The following GSG1L variants were observed in gnomAD, a reference collection of about 807,000 sequenced individuals.
GSG1L encodes germ cell-specific gene 1-like protein.
In GSG1L, 24 loss-of-function variants were observed where a neutral mutation model predicts 42.1. The observed-to-expected ratio is 0.57, with a 90% CI of 0.41 to 0.80. The LOEUF (loss-of-function observed/expected upper bound fraction) is 0.80. Ranked by LOEUF, GSG1L falls within the 30% of genes least tolerant of loss-of-function variation. The pLI is 0.00. For missense variants in GSG1L, 445 were observed against 472.2 expected (o/e 0.94, Z 0.53); for synonymous variants, 215 against 203.5 (o/e 1.06, Z -0.48).
chr16:27,934,733 G>A (rs912998364), intron 2 of GSG1L, among the ~76,000 whole-genome samples: 1 of 152,138 alleles, frequency 6.6e-6, no homozygotes, highest in Non-Finnish European at 1.5e-5. Context: ...GTGCGAGGGT[G>A]TCACATGCTT....
At chr16:27,819,266 A>G (rs562363670) in intron 5 of GSG1L, among the ~76,000 whole-genome samples, 178 of 150,444 alleles carry the variant, frequency 1.2e-3, no homozygotes, top group African/African-American at 4.1e-3. Flanking sequence ...AAAAAAACAG[A>G]CCTCTAGATA....
intron 6 of GSG1L, among the ~76,000 whole-genome samples, chr16:27,807,138 C>T (rs768170601): frequency 5.9e-5 from 9 of 152,238 alleles, no homozygotes; most frequent in Admixed American, 4.6e-4. Flanking sequence ...CTCCTGTCCA[C>T]GGTCACCTCC....
chr16:27,995,261 C>T (rs1161875750), intron 1 of GSG1L, among the ~76,000 whole-genome samples: 1 of 152,170 alleles, frequency 6.6e-6, no homozygotes, highest in Non-Finnish European at 1.5e-5. Flanking sequence ...CACGAACGCC[C>T]TTGGAGAATA....
At chr16:27,937,074 C>T in intron 2 of GSG1L, among the ~76,000 whole-genome samples, 1 of 152,210 alleles carries the variant, frequency 6.6e-6, no homozygotes, top group East Asian at 1.9e-4. Flanking sequence ...TTCACTCTGA[C>T]CTGCTGCCTG....
intron 4 of GSG1L, among the ~76,000 whole-genome samples, chr16:27,834,747 C>T (rs1423516740): frequency 1.3e-5 from 2 of 152,036 alleles, no homozygotes; most frequent in African/African-American, 4.8e-5. Flanking sequence ...TTTTGATGTC[C>T]TCAAAGTCTG....
At chr16:28,053,040 G>T (rs991253802) in intron 1 of GSG1L, among the ~76,000 whole-genome samples, 4 of 152,226 alleles carry the variant, frequency 2.6e-5, no homozygotes, top group African/African-American at 9.6e-5. Flanking sequence ...TGTGGCCAGT[G>T]GTGTCCAAGG....
intron 3 of GSG1L, among the ~76,000 whole-genome samples, chr16:27,874,334 A>T (rs2083858630): frequency 6.7e-6 from 1 of 149,502 alleles, no homozygotes; most frequent in Admixed American, 6.7e-5. Context: ...AGGAGAGGGG[A>T]CTGGAGATTG....
chr16:27,883,713 G>C (rs2083991104), intron 3 of GSG1L, among the ~76,000 whole-genome samples: 1 of 152,190 alleles, frequency 6.6e-6, no homozygotes, highest in Non-Finnish European at 1.5e-5. Flanking sequence ...CTGTCTGCCA[G>C]GCCTCCTGAT....
At chr16:27,809,082 T>C (rs1050002558) in intron 5 of GSG1L, among the ~76,000 whole-genome samples, 1 of 152,100 alleles carries the variant, frequency 6.6e-6, no homozygotes, top group African/African-American at 2.4e-5. Flanking sequence ...AGAAACACAA[T>C]CTAGTCCTCT....
rs376201128 is a variant in GSG1L at position 27,888,462 on chromosome 16, TTCTCTCTCTCTCTC to T, written c.398-3838_398-3825del. Among the ~76,000 whole-genome samples, 35 of 37,914 alleles carry T rather than the reference TTCTCTCTCTCTCTC, an allele frequency of 9.2e-4. 2 individuals are homozygous for T. The highest frequency in any genetic ancestry group is 2.0e-3 in the Admixed American group (7 of 3,486). 24.9% of individuals were successfully genotyped at this position (37,914 alleles called of 152,430 possible). ...TTTCTTTCTTTCTTTCTTTCTTTCT[TTCTCTCTCTCTCTC>T]TCTTTCCTTTCTTTCTTTCTTTCTT... On this transcript the variant is annotated intron_variant, in intron 2 of 6. Coordinates refer to ENST00000447459, the MANE Select transcript of GSG1L (RefSeq NM_001109763.2).
Position 27,789,612 on chromosome 16 carries a change from G to T in GSG1L, c.*1758C>A, listed in dbSNP as rs2082728934. The T allele has an allele frequency of 6.6e-6, 1 of 151,510 alleles. No homozygotes were observed. Among genetic ancestry groups the T allele is most frequent in the Non-Finnish European group, 1.5e-5 (1 of 67,908 alleles). The allele number at this position is 151,510 out of a possible 1,614,324, so 9.4% of individuals were successfully genotyped here. A position where few individuals can be genotyped will look rare whatever the true frequency, so the allele number is the denominator to read the frequency against. On this transcript the variant is annotated 3_prime_UTR_variant, in exon 7 of 7. Transcript: ENST00000447459. ...TGGATGATGGATAGATGGAGGAATGGATAATGGATAAATAGCTAACGAATG... is the reference window on the plus strand; with the variant it reads ...TGGATGATGGATAGATGGAGGAATGTATAATGGATAAATAGCTAACGAATG...
At chr16:27,805,900 A>C (rs991322996) in intron 6 of GSG1L, among the ~76,000 whole-genome samples, 7 of 151,688 alleles carry the variant, frequency 4.6e-5, no homozygotes, top group African/African-American at 1.7e-4. Flanking sequence ...AGGGACCTCC[A>C]CCCAGGCCCC....
chr16:27,938,559 G>C (rs1326316038), intron 2 of GSG1L, among the ~76,000 whole-genome samples: 1 of 152,218 alleles, frequency 6.6e-6, no homozygotes, highest in African/African-American at 2.4e-5. Flanking sequence ...TCCAAAAGCT[G>C]TCCAGGCAGC....
rs1447015935 is a variant in GSG1L at position 27,946,652 on chromosome 16, AAAGAAAAGAAAGAAAGAAAG to A, written c.397+16484_397+16503del. 7.9e-3 allele frequency among the ~76,000 whole-genome samples: 198 copies of A among 25,208 alleles called. 6 individuals are homozygous for A. Among genetic ancestry groups the A allele is most frequent in the Middle Eastern group, 0.015 (1 of 66 alleles). 16.5% of individuals were successfully genotyped at this position (25,208 alleles called of 152,430 possible). A position where few individuals can be genotyped will look rare whatever the true frequency, so the allele number is the denominator to read the frequency against. On this transcript the variant is annotated intron_variant, in intron 2 of 6. Transcript: ENST00000447459. ...GAGAGAAAGAAAGAAAGAAAGAAAG[AAAGAAAAGAAAGAAAGAAAG>A]AAAGAAAGAAAGAAAGAAAGAATTA...
chr16:28,053,537 A>T (rs761472855), intron 1 of GSG1L, among the ~76,000 whole-genome samples: 6 of 151,802 alleles, frequency 4.0e-5, no homozygotes, highest in East Asian at 1.9e-4. Context: ...GGGCGCAGCC[A>T]CTCCCCCGGG....
intron 1 of GSG1L, among the ~76,000 whole-genome samples, chr16:27,995,655 G>A (rs966956796): frequency 1.3e-5 from 2 of 152,086 alleles, no homozygotes; most frequent in African/African-American, 4.8e-5. Context: ...AGAGAATGGA[G>A]AGTGGAATTC....
At chr16:27,847,561 G>C (rs2083457550) in intron 3 of GSG1L, among the ~76,000 whole-genome samples, 1 of 152,254 alleles carries the variant, frequency 6.6e-6, no homozygotes, top group Non-Finnish European at 1.5e-5. Flanking sequence ...CCAGGAAAGT[G>C]AAAGAGAGAG....
At position 28,040,517 on chromosome 16, in the gene GSG1L, A is replaced by G. The variant is rs1296782351; in HGVS notation, c.349+22559T>C. Among the ~76,000 whole-genome samples the G allele has an allele frequency of 2.0e-5, 3 of 152,134 alleles. No homozygotes were observed. Among genetic ancestry groups the G allele is most frequent in the East Asian group, 1.9e-4 (1 of 5,202 alleles). ...GTTCACCACTGTATTCTCAACATCA[A>G]TAATAATAATAATAGAAAAAAATGG... On this transcript the variant is annotated intron_variant, in intron 1 of 6. Coordinates refer to ENST00000447459, the MANE Select transcript of GSG1L (RefSeq NM_001109763.2). This position sits in a 1 kb window ranked among gnomAD's most constrained non-coding sequence, Gnocchi z 4.1.
At chr16:27,805,950 C>T (rs980412557) in intron 6 of GSG1L, among the ~76,000 whole-genome samples, 1 of 151,946 alleles carries the variant, frequency 6.6e-6, no homozygotes, top group African/African-American at 2.4e-5. Flanking sequence ...TCTTTCTACC[C>T]AGGATTTCCC....
Sources: gnomAD v4.1 joint callset for allele counts (sites outside exome capture counted in the v4.1 genomes callset) on GRCh38, gnomAD v4.1.1 for gene constraint, Gnocchi (gnomAD v3.1) non-coding constraint, MANE v1.5 for transcripts, NCBI Gene and HGNC (gene_info 2026-07-23, HGNC 2026-07-21) for gene names.